Variants in SLC35F1 observed in about 807,000 individuals in gnomAD.
SLC35F1 encodes the protein solute carrier family 35 member F1, also known as chromosome 6 open reading frame 169.
SLC35F1 carries 14 observed loss-of-function variants against 48.7 expected under a neutral mutation model. The ratio of observed to expected loss-of-function variants is 0.29; its 90% CI spans 0.19 to 0.45. The LOEUF (loss-of-function observed/expected upper bound fraction) is 0.45, where lower values mean the gene tolerates loss of function less well. Among genes scored for constraint, SLC35F1 ranks in the 20% least tolerant of loss-of-function variants. The pLI, the probability that SLC35F1 is intolerant of heterozygous loss-of-function variation, is 1.00. For missense variants in SLC35F1, 404 were observed against 500.0 expected (o/e 0.81, Z 1.83); for synonymous variants, 190 against 202.2 (o/e 0.94, Z 0.51).
intron 1 of SLC35F1, among the ~76,000 whole-genome samples, chr6:117,914,425 CAG>C (rs1468683228): frequency 6.6e-6 from 1 of 152,114 alleles, no homozygotes; most frequent in African/African-American, 2.4e-5. Flanking sequence ...TTTAGAGTGA[CAG>C]GGCTACAATT....
intron 7 of SLC35F1, among the ~76,000 whole-genome samples, chr6:118,307,436 C>T (rs953678885): frequency 6.6e-6 from 1 of 151,624 alleles, no homozygotes; most frequent in Non-Finnish European, 1.5e-5. Flanking sequence ...AAGATTTAGT[C>T]CTTTTTTTTT....
intron 6 of SLC35F1, among the ~76,000 whole-genome samples, chr6:118,283,734 C>T (rs1776013215): frequency 6.6e-6 from 1 of 152,100 alleles, no homozygotes. Flanking sequence ...TATGTCTTTT[C>T]ATGTATTAGT....
rs184907686 is a variant in SLC35F1 at position 118,308,485 on chromosome 6, A to G, written c.1003-5543A>G. 8.9e-3 allele frequency among the ~76,000 whole-genome samples: 1,350 copies of G among 152,300 alleles called. 6 individuals carry two copies. The highest frequency in any genetic ancestry group is 0.013 in the South Asian group (65 of 4,824). ...ACCCACATTTTCTGGGCTGTGCTAC[A>G]TAACCTTGAGAATGGCCAATCACTG... On this transcript the variant is annotated intron_variant, in intron 7 of 7. Coordinates refer to ENST00000360388, the MANE Select transcript of SLC35F1 (RefSeq NM_001029858.4).
At position 117,936,242 on chromosome 6, in the gene SLC35F1, G is replaced by A. The variant is rs931816667; in HGVS notation, c.173+28343G>A. On this transcript the variant is annotated intron_variant, in intron 1 of 7. Coordinates refer to ENST00000360388, the MANE Select transcript of SLC35F1 (RefSeq NM_001029858.4). Reference sequence around the variant, plus strand: ...CATATAGGGACTTTCTGTTTCTTGTGAACACTGACAGTCCAAGTCCCTCCA... The same window carrying A: ...CATATAGGGACTTTCTGTTTCTTGTAAACACTGACAGTCCAAGTCCCTCCA... 2.0e-5 allele frequency among the ~76,000 whole-genome samples: 3 copies of A among 152,308 alleles called. No homozygotes were observed. The South Asian group carries it at 6.2e-4, about 32-fold the overall frequency.
intron 3 of SLC35F1, among the ~76,000 whole-genome samples, chr6:118,261,165 C>T (rs916258848): frequency 5.9e-5 from 9 of 152,216 alleles, no homozygotes; most frequent in African/African-American, 1.9e-4. Flanking sequence ...AAATTCTGTC[C>T]CCATGGCATG....
intron 2 of SLC35F1, among the ~76,000 whole-genome samples, chr6:118,220,508 G>C (rs976215719): frequency 6.6e-6 from 1 of 152,178 alleles, no homozygotes; most frequent in Admixed American, 6.5e-5. Context: ...GCCTCAGAGA[G>C]GAATAGGCCC....
chr6:117,933,361 T>A (rs1301694951), intron 1 of SLC35F1, among the ~76,000 whole-genome samples: 1 of 152,198 alleles, frequency 6.6e-6, no homozygotes. Flanking sequence ...CAAATTGTCT[T>A]TAAAACAACA....
At chr6:118,108,680 G>A (rs1434391814) in intron 1 of SLC35F1, among the ~76,000 whole-genome samples, 2 of 152,116 alleles carry the variant, frequency 1.3e-5, no homozygotes, top group Non-Finnish European at 2.9e-5. Context: ...CAATGTTATT[G>A]CTAGAGTGTG....
At chr6:118,020,283 T>A (rs1188177627) in intron 1 of SLC35F1, among the ~76,000 whole-genome samples, 1 of 152,208 alleles carries the variant, frequency 6.6e-6, no homozygotes, top group East Asian at 1.9e-4. Flanking sequence ...GTGTCTCCAG[T>A]TCTGCTCCCT....
intron 1 of SLC35F1, among the ~76,000 whole-genome samples, chr6:117,992,819 G>C (rs908543787): frequency 6.6e-6 from 1 of 152,192 alleles, no homozygotes; most frequent in African/African-American, 2.4e-5. Context: ...GCAGTCATCA[G>C]TATCTCTGAA....
chr6:118,090,214 T>G (rs1351052872), intron 1 of SLC35F1, among the ~76,000 whole-genome samples: 1 of 152,196 alleles, frequency 6.6e-6, no homozygotes, highest in Non-Finnish European at 1.5e-5. Context: ...TGGATGACTC[T>G]TGTTTAACTG....
At chr6:118,115,083 A>G (rs1191848803) in intron 1 of SLC35F1, among the ~76,000 whole-genome samples, 1 of 152,168 alleles carries the variant, frequency 6.6e-6, no homozygotes, top group Non-Finnish European at 1.5e-5. Context: ...ACAGAGACAC[A>G]ACTTTGTTTC....
chr6:118,018,807 G>C (rs775935077), intron 1 of SLC35F1, among the ~76,000 whole-genome samples: 5 of 152,104 alleles, frequency 3.3e-5, no homozygotes, highest in African/African-American at 4.8e-5. Context: ...TATATTATTA[G>C]GCCACACAAT....
At chr6:117,969,410 C>A (rs1219073793) in intron 1 of SLC35F1, among the ~76,000 whole-genome samples, 5 of 152,106 alleles carry the variant, frequency 3.3e-5, no homozygotes, top group Admixed American at 3.3e-4. Flanking sequence ...ATTTTTATTT[C>A]CTGATTCAGA....
intron 1 of SLC35F1, among the ~76,000 whole-genome samples, chr6:118,105,090 G>A (rs1425523236): frequency 6.6e-6 from 1 of 152,144 alleles, no homozygotes. Context: ...TGCATCTGTG[G>A]TTCCTCAGAG....
chr6:117,940,629 CT>C (rs1269509535), intron 1 of SLC35F1, among the ~76,000 whole-genome samples: 1 of 151,648 alleles, frequency 6.6e-6, no homozygotes, highest in Non-Finnish European at 1.5e-5. Context: ...AGAAGATGTG[CT>C]TTTTTTTCTC....
chr6:117,998,086 C>G (rs1412742249), intron 1 of SLC35F1, among the ~76,000 whole-genome samples: 20 of 148,172 alleles, frequency 1.3e-4, no homozygotes, highest in African/African-American at 5.0e-4. Flanking sequence ...GAAGATCTAC[C>G]AAGCAAATGG....
At chr6:118,080,257 A>C (rs1772885949) in intron 1 of SLC35F1, among the ~76,000 whole-genome samples, 1 of 152,140 alleles carries the variant, frequency 6.6e-6, no homozygotes. Context: ...TTATTTGGCC[A>C]ATTTCTGGTC....
chr6:118,044,909 G>A (rs747700498), intron 1 of SLC35F1, among the ~76,000 whole-genome samples: 5 of 152,118 alleles, frequency 3.3e-5, no homozygotes, highest in Admixed American at 2.6e-4. Context: ...AGGAAGGGGA[G>A]AGGGAATTAG....
Sources: gnomAD v4.1 joint callset for allele counts (sites outside exome capture counted in the v4.1 genomes callset) on GRCh38, gnomAD v4.1.1 for gene constraint, MANE v1.5 for transcripts, NCBI Gene and HGNC (gene_info 2026-07-23, HGNC 2026-07-21) for gene names.